DTNA: variants seen among roughly 807,000 people sequenced by gnomAD.
The protein encoded by DTNA is dystrophin-related protein 3.
Under a neutral mutation model 100.7 loss-of-function variants are expected in DTNA, and 43 were observed. The ratio of observed to expected loss-of-function variants is 0.43; its 90% CI spans 0.33 to 0.55. The LOEUF (loss-of-function observed/expected upper bound fraction) is 0.55, where lower values mean the gene tolerates loss of function less well. DTNA is among the 20% of genes least tolerant of loss of function. The pLI, the probability that DTNA is intolerant of heterozygous loss-of-function variation, is 0.04. For missense variants in DTNA, 798 were observed against 953.9 expected, an observed-to-expected ratio of 0.84 and a Z score of 2.15; for synonymous variants, 349 against 347.9, an observed-to-expected ratio of 1.00 and a Z score of -0.04.
chr18:34,797,113 T>G (rs1377085549), intron 4 of DTNA, among the ~76,000 whole-genome samples: 1 of 152,122 alleles, frequency 6.6e-6, no homozygotes, highest in Non-Finnish European at 1.5e-5. Flanking sequence ...TGGACCCCAG[T>G]GGTTTATGCT....
At chr18:34,860,497 C>T (rs1432686256) in intron 16 of DTNA, among the ~76,000 whole-genome samples, 1 of 152,094 alleles carries the variant, frequency 6.6e-6, no homozygotes, top group Non-Finnish European at 1.5e-5. Flanking sequence ...CTGTTTTCTT[C>T]TTCCATACAA....
At chr18:34,539,323 T>A (rs1052854587) in intron 1 of DTNA, among the ~76,000 whole-genome samples, 1 of 151,994 alleles carries the variant, frequency 6.6e-6, no homozygotes. Flanking sequence ...CATTTTGAAT[T>A]TAAAATTTGA....
intron 13 of DTNA, among the ~76,000 whole-genome samples, chr18:34,843,710 G>A (rs1303241356): frequency 6.6e-6 from 1 of 151,860 alleles, no homozygotes; most frequent in Admixed American, 6.6e-5. Context: ...AGGTACTGAG[G>A]GTATTCATAT....
At chr18:34,522,869 C>T (rs1363949805) in intron 1 of DTNA, among the ~76,000 whole-genome samples, 1 of 152,190 alleles carries the variant, frequency 6.6e-6, no homozygotes, top group African/African-American at 2.4e-5. Flanking sequence ...GGGCAGGCAG[C>T]AGAGCACGCA....
At chr18:34,695,522 A>G (rs1343829973) in intron 1 of DTNA, among the ~76,000 whole-genome samples, 1 of 152,200 alleles carries the variant, frequency 6.6e-6, no homozygotes, top group Non-Finnish European at 1.5e-5. Context: ...GAGACGGGTC[A>G]GAGAGTCTGA....
At chr18:34,589,806 A>G (rs780780065) in intron 1 of DTNA, among the ~76,000 whole-genome samples, 5 of 151,636 alleles carry the variant, frequency 3.3e-5, no homozygotes, top group Non-Finnish European at 7.4e-5. Flanking sequence ...GCTTTACTCT[A>G]TTTCTATATA....
intron 1 of DTNA, among the ~76,000 whole-genome samples, chr18:34,569,758 G>C (rs924955240): frequency 5.3e-5 from 8 of 152,094 alleles, no homozygotes; most frequent in African/African-American, 1.9e-4. Context: ...CTTCTTGGTT[G>C]GGGGAAGTCA....
At chr18:34,781,779 T>A (rs2094333961) in intron 3 of DTNA, among the ~76,000 whole-genome samples, 1 of 152,232 alleles carries the variant, frequency 6.6e-6, no homozygotes, top group Admixed American at 6.5e-5. Flanking sequence ...TGTATAGATA[T>A]ATAGTACAGA....
intron 11 of DTNA, among the ~76,000 whole-genome samples, chr18:34,833,404 C>CTGTGTGTGTGTGTGTGTGTGTG (rs58409064): frequency 2.1e-5 from 3 of 144,900 alleles, no homozygotes; most frequent in African/African-American, 7.6e-5. Context: ...CATTGTGTCA[C>CTGTGTGTGTGTGTGTGTGTGTG]TGTGTGTGTG....
At chr18:34,507,936 T>C (rs2040657174) in intron 1 of DTNA, among the ~76,000 whole-genome samples, 1 of 152,208 alleles carries the variant, frequency 6.6e-6, no homozygotes, top group Non-Finnish European at 1.5e-5. Flanking sequence ...AAAATGTATT[T>C]ATTATATTTA....
At chr18:34,844,274 G>T (rs1603173722) in intron 13 of DTNA, among the ~76,000 whole-genome samples, 1 of 152,202 alleles carries the variant, frequency 6.6e-6, no homozygotes, top group Middle Eastern at 3.4e-3. Context: ...TATCCATGAA[G>T]ATTGCCATTT....
intron 1 of DTNA, among the ~76,000 whole-genome samples, chr18:34,740,593 C>A (rs1464443859): frequency 6.6e-6 from 1 of 152,016 alleles, no homozygotes; most frequent in African/African-American, 2.4e-5. Flanking sequence ...GTTTTGAGAG[C>A]AGCCTGGGTG....
At chr18:34,713,158 T>C (rs2083246118) in intron 1 of DTNA, among the ~76,000 whole-genome samples, 4 of 152,124 alleles carry the variant, frequency 2.6e-5, no homozygotes, top group African/African-American at 9.6e-5. Flanking sequence ...ATGATCATGA[T>C]GATAATGATA....
chr18:34,789,882 A>C (rs1349648904), intron 3 of DTNA, among the ~76,000 whole-genome samples: 1 of 152,168 alleles, frequency 6.6e-6, no homozygotes, highest in Non-Finnish European at 1.5e-5. Context: ...GACATGCCCT[A>C]TTCCAAGTGT....
At chr18:34,880,954 T>C (rs2096866048) in intron 20 of DTNA, among the ~76,000 whole-genome samples, 2 of 152,322 alleles carry the variant, frequency 1.3e-5, no homozygotes, top group South Asian at 4.1e-4. Context: ...TATATGGCAG[T>C]TAGCTAGAAT....
chr18:34,880,847 C>T (rs2096865145), intron 20 of DTNA, among the ~76,000 whole-genome samples: 1 of 152,294 alleles, frequency 6.6e-6, no homozygotes, highest in South Asian at 2.1e-4. Flanking sequence ...CTTCTGTATT[C>T]TAGAATTGTT....
intron 3 of DTNA, among the ~76,000 whole-genome samples, chr18:34,783,075 A>T (rs2094392772): frequency 6.6e-6 from 1 of 152,236 alleles, no homozygotes; most frequent in African/African-American, 2.4e-5. Context: ...TTCTGAATAA[A>T]GTTAAACACT....
At chr18:34,640,974 TACC>T (rs1357879507) in intron 1 of DTNA, among the ~76,000 whole-genome samples, 3 of 152,196 alleles carry the variant, frequency 2.0e-5, no homozygotes, top group African/African-American at 7.2e-5. Flanking sequence ...ATTTGAATTT[TACC>T]AGGTATCATC....
chr18:34,685,823 GT>G (rs771026455), intron 1 of DTNA, among the ~76,000 whole-genome samples: 22 of 152,126 alleles, frequency 1.4e-4, no homozygotes, highest in Admixed American at 1.1e-3. Flanking sequence ...TTGAGCAGTG[GT>G]TTGTAGTTCT....
Sources: allele counts gnomAD v4.1 joint callset (sites outside exome capture counted in the v4.1 genomes callset), GRCh38; gene constraint gnomAD v4.1.1; transcripts MANE v1.5; gene names NCBI Gene and HGNC (gene_info 2026-07-23, HGNC 2026-07-21).